PEAK1: variants seen among roughly 807,000 people sequenced by gnomAD.
PEAK1 encodes the protein pseudopodium enriched atypical kinase 1.
A neutral mutation model predicts 124.7 loss-of-function variants in PEAK1; 54 were observed. That is an observed-to-expected ratio of 0.43 (90% CI 0.35 to 0.54). PEAK1 has a LOEUF of 0.54. PEAK1 is among the 20% of genes least tolerant of loss of function. The pLI is 0.01. For synonymous variants in PEAK1, 719 were observed against 760.0 expected, an observed-to-expected ratio of 0.95 and a Z score of 0.89; for missense variants, 2,046 against 2,134.5, an observed-to-expected ratio of 0.96 and a Z score of 0.82.
rs144964770 is a variant in PEAK1, at chr15:77,320,937, G to A, written c.-602-34433C>T. Among the ~76,000 whole-genome samples the A allele has an allele frequency of 4.8e-3, 727 of 151,994 alleles. 4 individuals carry two copies. The highest frequency in any genetic ancestry group is 0.016 in the African/African-American group (673 of 41,466). ...TGGTTTTTTGTCCTTGCGACACTTT[G>A]CTGAGAATGATGGTTTCCAGCTTTA... On this transcript the variant is annotated intron_variant, in intron 2 of 9. Transcript: ENST00000682557.
At chr15:77,418,533 G>A (rs752761184) in intron 1 of PEAK1, 29 of 984,972 alleles carry the variant, frequency 2.9e-5, no homozygotes, top group Non-Finnish European at 3.5e-5. Flanking sequence ...CTGGGCTGAG[G>A]CTATAACCCT....
At chr15:77,164,123 C>CGAAT (rs1478508413) in intron 7 of PEAK1, among the ~76,000 whole-genome samples, 1 of 152,200 alleles carries the variant, frequency 6.6e-6, no homozygotes, top group Non-Finnish European at 1.5e-5. Flanking sequence ...GGACCTCCTA[C>CGAAT]GAATGTGACA....
At position 77,249,429 on chromosome 15, in the gene PEAK1, A is replaced by G. The variant is rs143335930; in HGVS notation, c.-115+2938T>C. Reference sequence around the variant, plus strand: ...AATTTTAGCTTCTTTAGTGGCCATGATAGTTCACACCATTAAAAATCTAAA... The same window carrying G: ...AATTTTAGCTTCTTTAGTGGCCATGGTAGTTCACACCATTAAAAATCTAAA... On this transcript the variant is annotated intron_variant, in intron 6 of 9. Transcript: ENST00000682557. 3.8e-3 allele frequency among the ~76,000 whole-genome samples: 580 copies of G among 152,324 alleles called. 7 individuals are homozygous for G. The highest frequency in any genetic ancestry group is 0.014 in the African/African-American group (562 of 41,576).
At chr15:77,348,204 A>G in intron 2 of PEAK1, 1 of 979,454 alleles carries the variant, frequency 1.0e-6, no homozygotes, top group Non-Finnish European at 1.2e-6. Flanking sequence ...AAAAAAAAGA[A>G]GACTGGGATC....
At chr15:77,332,789 G>A (rs961195670) in intron 2 of PEAK1, among the ~76,000 whole-genome samples, 6 of 151,374 alleles carry the variant, frequency 4.0e-5, no homozygotes, top group African/African-American at 1.5e-4. Flanking sequence ...CCATTTCTTT[G>A]TTTACTAATG....
intron 5 of PEAK1, among the ~76,000 whole-genome samples, chr15:77,274,664 T>C (rs1265413203): frequency 6.6e-6 from 1 of 151,722 alleles, no homozygotes; most frequent in Non-Finnish European, 1.5e-5. Flanking sequence ...TAAAAAAACA[T>C]AGATGTTGGT....
intron 2 of PEAK1, among the ~76,000 whole-genome samples, chr15:77,302,540 C>G (rs943449952): frequency 1.3e-5 from 2 of 152,106 alleles, no homozygotes; most frequent in African/African-American, 4.8e-5. Context: ...ATACCTTGTT[C>G]CCCATGGGAC....
chr15:77,341,424 C>T (rs942153477), intron 2 of PEAK1, among the ~76,000 whole-genome samples: 11 of 151,734 alleles, frequency 7.2e-5, no homozygotes, highest in Non-Finnish European at 1.5e-4. Flanking sequence ...CACTTGAACC[C>T]GGGAGGCAGA....
chr15:77,383,684 G>T (rs942477327), intron 1 of PEAK1, among the ~76,000 whole-genome samples: 3 of 152,116 alleles, frequency 2.0e-5, no homozygotes, highest in African/African-American at 7.2e-5. Flanking sequence ...TTACTTACTA[G>T]ATTTAGGAAT....
intron 2 of PEAK1, among the ~76,000 whole-genome samples, chr15:77,336,932 C>A (rs1258851869): frequency 6.6e-6 from 1 of 150,692 alleles, no homozygotes; most frequent in Non-Finnish European, 1.5e-5. Flanking sequence ...CAGACCAAGG[C>A]CATTTGTGAA....
At chr15:77,245,703 CA>C (rs539069311) in intron 6 of PEAK1, among the ~76,000 whole-genome samples, 9 of 145,616 alleles carry the variant, frequency 6.2e-5, no homozygotes, top group Non-Finnish European at 7.6e-5. Context: ...GACTCCGTCT[CA>C]AAAAAAAAAG....
intron 5 of PEAK1, among the ~76,000 whole-genome samples, chr15:77,263,112 A>C (rs1438944682): frequency 6.6e-6 from 1 of 152,244 alleles, no homozygotes; most frequent in Admixed American, 6.5e-5. Flanking sequence ...CAGTGCGTAG[A>C]GGGAAATTTA....
chr15:77,158,830 G>A, intron 7 of PEAK1, 134 bp from the exon 8 acceptor site: 1 of 797,828 alleles, frequency 1.3e-6, no homozygotes, highest in Non-Finnish European at 2.0e-6. Flanking sequence ...TGAACACAAG[G>A]CAGTACTTCA....
intron 6 of PEAK1, among the ~76,000 whole-genome samples, chr15:77,192,889 T>C (rs1270148377): frequency 1.3e-5 from 2 of 152,076 alleles, no homozygotes; most frequent in Non-Finnish European, 2.9e-5. Context: ...AATAAAAATA[T>C]GCAAAAAGCA....
At chr15:77,272,890 G>A (rs1159978550) in intron 5 of PEAK1, among the ~76,000 whole-genome samples, 2 of 151,904 alleles carry the variant, frequency 1.3e-5, no homozygotes, top group Non-Finnish European at 2.9e-5. Flanking sequence ...GAATCCAACA[G>A]AGATAAAAAA....
intron 8 of PEAK1, among the ~76,000 whole-genome samples, chr15:77,138,318 G>A (rs1479067547): frequency 6.6e-6 from 1 of 152,152 alleles, no homozygotes; most frequent in Non-Finnish European, 1.5e-5. Context: ...GTAGCCCTGG[G>A]TGAGTCACCG....
chr15:77,268,864 C>T (rs1404395389), intron 5 of PEAK1, among the ~76,000 whole-genome samples: 5 of 152,042 alleles, frequency 3.3e-5, no homozygotes, highest in Non-Finnish European at 5.9e-5. Context: ...TATCTTTAGC[C>T]TCCTTAAACA....
At chr15:77,407,934 C>T (rs917408374) in intron 1 of PEAK1, among the ~76,000 whole-genome samples, 12 of 66,760 alleles carry the variant, frequency 1.8e-4, no homozygotes, top group African/African-American at 4.0e-4. Flanking sequence ...CATATATACA[C>T]ACATATATAC....
intron 6 of PEAK1, among the ~76,000 whole-genome samples, chr15:77,196,993 G>A (rs1229102997): frequency 6.6e-6 from 1 of 151,822 alleles, no homozygotes; most frequent in Non-Finnish European, 1.5e-5. Flanking sequence ...TGGGACTACA[G>A]GTGTCTGCCA....
Sources: allele counts gnomAD v4.1 joint callset (sites outside exome capture counted in the v4.1 genomes callset), GRCh38; gene constraint gnomAD v4.1.1; transcripts MANE v1.5; gene names NCBI Gene and HGNC (gene_info 2026-07-23, HGNC 2026-07-21).